Variants in PAK5 observed in about 807,000 individuals in gnomAD.
PAK5 encodes the protein serine/threonine-protein kinase PAK 5.
PAK5 carries 16 observed loss-of-function variants against 65.9 expected under a neutral mutation model. The observed-to-expected ratio is 0.24, with a 90% CI of 0.16 to 0.37. The LOEUF (loss-of-function observed/expected upper bound fraction) is 0.37. Ranked by LOEUF, PAK5 falls within the 10% of genes least tolerant of loss-of-function variation. The pLI is 1.00. For missense variants in PAK5, 785 were observed against 903.9 expected (o/e 0.87, Z 1.69); for synonymous variants, 371 against 354.9 (o/e 1.05, Z -0.51).
chr20:9,764,910 C>A (rs552623855), intron 1 of PAK5, among the ~76,000 whole-genome samples: 1 of 152,246 alleles, frequency 6.6e-6, no homozygotes, highest in East Asian at 1.9e-4. Flanking sequence ...GAGACATTTA[C>A]AGTACATCAT....
chr20:9,704,109 G>A (rs1032182487), intron 2 of PAK5, among the ~76,000 whole-genome samples: 8 of 152,094 alleles, frequency 5.3e-5, no homozygotes, highest in Non-Finnish European at 7.4e-5. Flanking sequence ...TCCTTATTCC[G>A]AACATGGCCC....
chr20:9,835,400 T>C (rs766545744), intron 1 of PAK5, among the ~76,000 whole-genome samples: 19 of 151,828 alleles, frequency 1.3e-4, no homozygotes, highest in Non-Finnish European at 2.2e-4. Flanking sequence ...GGGAAGATGG[T>C]TGGGGATGTT....
intron 9 of PAK5, among the ~76,000 whole-genome samples, chr20:9,542,036 T>A (rs1033693447): frequency 1.3e-5 from 2 of 152,234 alleles, no homozygotes; most frequent in African/African-American, 4.8e-5. Flanking sequence ...CTTGGGTATT[T>A]CTTTATAGTA....
At chr20:9,587,579 G>C (rs1185731134) in intron 3 of PAK5, among the ~76,000 whole-genome samples, 3 of 152,118 alleles carry the variant, frequency 2.0e-5, no homozygotes, top group African/African-American at 4.8e-5. Flanking sequence ...GGGAAGACTA[G>C]GGGTGATTTA....
intron 1 of PAK5, among the ~76,000 whole-genome samples, chr20:9,775,168 G>A (rs1254770036): frequency 6.6e-6 from 1 of 152,144 alleles, no homozygotes; most frequent in Admixed American, 6.5e-5. Context: ...GTTCTATCTT[G>A]GTTGGGGTGT....
chr20:9,823,075 T>A (rs2049441810), intron 1 of PAK5, among the ~76,000 whole-genome samples: 2 of 152,232 alleles, frequency 1.3e-5, no homozygotes, highest in African/African-American at 4.8e-5. Flanking sequence ...AGAGCTCCAC[T>A]GTCATAGATG....
At chr20:9,821,206 C>G (rs2049416596) in intron 1 of PAK5, among the ~76,000 whole-genome samples, 1 of 151,968 alleles carries the variant, frequency 6.6e-6, no homozygotes, top group Non-Finnish European at 1.5e-5. Flanking sequence ...CATGGTGAAA[C>G]CCCATCTCTA....
At chr20:9,707,579 C>G (rs2048024529) in intron 2 of PAK5, among the ~76,000 whole-genome samples, 1 of 152,300 alleles carries the variant, frequency 6.6e-6, no homozygotes, top group South Asian at 2.1e-4. Flanking sequence ...GAGGTACAGT[C>G]TATTTCCACA....
chr20:9,825,020 C>A (rs1048556790), intron 1 of PAK5, among the ~76,000 whole-genome samples: 11 of 152,150 alleles, frequency 7.2e-5, no homozygotes, highest in East Asian at 3.9e-4. Context: ...CAGGAGAAAG[C>A]AGACATAAAC....
chr20:9,710,946 G>T (rs1297380502), intron 2 of PAK5, among the ~76,000 whole-genome samples: 1 of 152,086 alleles, frequency 6.6e-6, no homozygotes, highest in Non-Finnish European at 1.5e-5. Context: ...CTATCACTCA[G>T]TTCTCAGCTC....
At chr20:9,820,239 T>G (rs2049403854) in intron 1 of PAK5, among the ~76,000 whole-genome samples, 1 of 152,226 alleles carries the variant, frequency 6.6e-6, no homozygotes, top group Non-Finnish European at 1.5e-5. Context: ...ATATCAACTG[T>G]CATGAAAATG....
intron 2 of PAK5, among the ~76,000 whole-genome samples, chr20:9,672,039 CA>C (rs2047506112): frequency 6.6e-6 from 1 of 151,234 alleles, no homozygotes; most frequent in Admixed American, 6.6e-5. Context: ...AAGGAATGAA[CA>C]AATGAAAGAA....
chr20:9,560,576 G>A lies in PAK5; in HGVS notation c.1616+2315C>T, dbSNP rs545340784. Among the ~76,000 whole-genome samples the A allele has an allele frequency of 5.3e-5, 8 of 152,170 alleles. No homozygotes were observed. The South Asian group carries it at 1.0e-3, about 20-fold the overall frequency. On this transcript the variant is annotated intron_variant, in intron 6 of 9. Transcript: ENST00000353224. ...AGGGTCTCGCTAAGTTGCCCAGGCC[G>A]GTCTCGAACTCCTGTGCTCACGTGA... is the stretch of plus-strand genomic sequence containing the variant.
chr20:9,784,692 T>G (rs905184246), intron 1 of PAK5, among the ~76,000 whole-genome samples: 3 of 151,822 alleles, frequency 2.0e-5, no homozygotes, highest in East Asian at 1.9e-4. Flanking sequence ...TTTGATAGTA[T>G]TAATATAGGA....
At chr20:9,560,744 G>A (rs183360686) in intron 6 of PAK5, among the ~76,000 whole-genome samples, 125 of 152,280 alleles carry the variant, frequency 8.2e-4, no homozygotes, top group African/African-American at 2.9e-3. Flanking sequence ...AATATGTGAT[G>A]GTTACATGAT....
chr20:9,725,268 A>C (rs2048262814), intron 1 of PAK5, among the ~76,000 whole-genome samples: 1 of 152,170 alleles, frequency 6.6e-6, no homozygotes, highest in African/African-American at 2.4e-5. Flanking sequence ...TATGGTTTAG[A>C]AAATTGTCAA....
intron 3 of PAK5, among the ~76,000 whole-genome samples, chr20:9,642,046 C>CG (rs1037191001): frequency 4.6e-5 from 7 of 152,098 alleles, no homozygotes; most frequent in African/African-American, 7.2e-5. Context: ...CACAGTGCAG[C>CG]GGGGGGGCTG....
chr20:9,609,047 C>T (rs1486048702), intron 3 of PAK5, among the ~76,000 whole-genome samples: 1 of 152,170 alleles, frequency 6.6e-6, no homozygotes, highest in East Asian at 1.9e-4. Context: ...TGAATTCAAC[C>T]CCCTGGTGGA....
At chr20:9,763,746 G>A (rs2048725886) in intron 1 of PAK5, among the ~76,000 whole-genome samples, 1 of 152,080 alleles carries the variant, frequency 6.6e-6, no homozygotes, top group African/African-American at 2.4e-5. Flanking sequence ...AAAGTTGCAA[G>A]AGTGGAAGAA....
Sources: allele counts gnomAD v4.1 joint callset (sites outside exome capture counted in the v4.1 genomes callset), GRCh38; gene constraint gnomAD v4.1.1; transcripts MANE v1.5; gene names NCBI Gene and HGNC (gene_info 2026-07-23, HGNC 2026-07-21).